The following RAD21L1 variants were observed in gnomAD, a reference collection of about 807,000 sequenced individuals.
RAD21L1 encodes RAD21 cohesin complex component like 1, also known as double-strand-break repair protein rad21-like protein 1.
Under a neutral mutation model 69.0 loss-of-function variants are expected in RAD21L1, and 47 were observed. The observed-to-expected ratio is 0.68, with a 90% CI of 0.54 to 0.87. The LOEUF is 0.87. Among genes scored for constraint, RAD21L1 ranks in the 40% least tolerant of loss-of-function variants. RAD21L1 has a pLI of 0.00. For missense variants in RAD21L1, 583 were observed against 647.6 expected (o/e 0.90, Z 1.08); for synonymous variants, 177 against 205.8 (o/e 0.86, Z 1.20).
chr20:1,251,457 A>T (rs1189554402), intron 13 of RAD21L1, among the ~76,000 whole-genome samples: 2 of 150,952 alleles, frequency 1.3e-5, no homozygotes, highest in African/African-American at 4.9e-5. Flanking sequence ...GAAAATTTTT[A>T]AAAATTTCTT....
At position 1,242,791 on chromosome 20, in the gene RAD21L1, G is replaced by T. The variant is rs1432665880; in HGVS notation, c.1029G>T (p.Val343=). ...TGATGTGGAAGAAGAGGGGAGGAGTGCATACACTTCTGTCAACTGCTGCCC... is the reference window on the plus strand; with the variant it reads ...TGATGTGGAAGAAGAGGGGAGGAGTTCATACACTTCTGTCAACTGCTGCCC... ...RLMMWKKRGG[V]HTLLSTAAQD... is the part of the protein sequence containing the mutation. The change falls in exon 9 of 14, where the codon GTG becomes GTT. Residue 343 remains valine (V), a synonymous_variant. Transcript: ENST00000683101. 11 of 1,551,542 alleles carry T rather than the reference G, an allele frequency of 7.1e-6. No individual in the cohort carries two copies. The highest frequency in any genetic ancestry group is 9.6e-6 in the Non-Finnish European group (11 of 1,146,890).
chr20:1,234,418 C>T (rs900806381), intron 5 of RAD21L1, among the ~76,000 whole-genome samples: 2 of 152,150 alleles, frequency 1.3e-5, no homozygotes, highest in African/African-American at 2.4e-5. Context: ...AATACCTACT[C>T]TGTATCAGGT....
rs187764229 is a variant in RAD21L1, at chr20:1,235,436, G to A, written c.475+1245G>A. 3.1e-3 allele frequency among the ~76,000 whole-genome samples: 478 copies of A among 151,856 alleles called. 1 individual carries two copies. Among genetic ancestry groups the A allele is most frequent in the Non-Finnish European group, 5.2e-3 (350 of 67,930 alleles). ...TTTTCAATCTGTATTGTATTTTACT[G>A]TGTAAAATACAATAAAATGAATTAT... is the stretch of plus-strand genomic sequence containing the variant. On this transcript the variant is annotated intron_variant, in intron 5 of 13. Coordinates refer to ENST00000683101, the MANE Select transcript of RAD21L1 (RefSeq NM_001384355.1).
chr20:1,248,827 T>C, intron 13 of RAD21L1, 124 bp downstream of exon 13: 1 of 530,974 alleles, frequency 1.9e-6, no homozygotes, highest in Admixed American at 3.7e-5. Context: ...CAAATCCCAC[T>C]AGAGTGCAAT....
chr20:1,251,206 G>A (rs911014314), intron 13 of RAD21L1, among the ~76,000 whole-genome samples: 1 of 152,134 alleles, frequency 6.6e-6, no homozygotes, highest in Admixed American at 6.5e-5. Context: ...AGATGTTGAA[G>A]GCTTTGTAAC....
At chr20:1,232,866 A>G (rs2087419929) in intron 4 of RAD21L1, among the ~76,000 whole-genome samples, 1 of 152,310 alleles carries the variant, frequency 6.6e-6, no homozygotes, top group Admixed American at 6.5e-5. Flanking sequence ...TGATTAGGTC[A>G]TAAGAGAGGT....
Position 1,255,726 on chromosome 20 carries a change from G to A in RAD21L1, c.*1269G>A, listed in dbSNP as rs2087921849. On this transcript the variant is annotated 3_prime_UTR_variant, in exon 14 of 14. Coordinates refer to ENST00000683101, the MANE Select transcript of RAD21L1 (RefSeq NM_001384355.1). Reference sequence around the variant, plus strand: ...CCCTAAAAAATTCTGTTATCCCTTTGTAGTAACCCCCTTCCCCCATATAAC... The same window carrying A: ...CCCTAAAAAATTCTGTTATCCCTTTATAGTAACCCCCTTCCCCCATATAAC... Among the ~76,000 whole-genome samples, 1 of 152,062 alleles carries A rather than the reference G, an allele frequency of 6.6e-6. No individual in the cohort carries two copies. The highest frequency in any genetic ancestry group is 1.5e-5 in the Non-Finnish European group (1 of 67,994).
chr20:1,243,805 T>C (rs933867110), intron 10 of RAD21L1, among the ~76,000 whole-genome samples: 2 of 152,138 alleles, frequency 1.3e-5, no homozygotes, highest in Admixed American at 6.5e-5. Context: ...AGTGAATGTG[T>C]GAGAGCGTGT....
At chr20:1,250,417 C>G (rs2087805341) in intron 13 of RAD21L1, among the ~76,000 whole-genome samples, 1 of 151,924 alleles carries the variant, frequency 6.6e-6, no homozygotes, top group South Asian at 2.1e-4. Context: ...TCCAAGTGTT[C>G]TCATTTTTCA....
chr20:1,232,885 CATAAG>C (rs1367339092), intron 4 of RAD21L1, among the ~76,000 whole-genome samples: 1 of 152,078 alleles, frequency 6.6e-6, no homozygotes, highest in African/African-American at 2.4e-5. Flanking sequence ...GTGATTAAGT[CATAAG>C]AGAAGTGATT....
intron 3 of RAD21L1, among the ~76,000 whole-genome samples, 186 bp from the exon 4 acceptor site, chr20:1,231,340 C>A (rs949098267): frequency 6.6e-6 from 1 of 152,136 alleles, no homozygotes. Flanking sequence ...GGCATCTAAT[C>A]TGATTAGTTT....
At chr20:1,237,809 A>G (rs997006372) in intron 5 of RAD21L1, among the ~76,000 whole-genome samples, 1 of 152,174 alleles carries the variant, frequency 6.6e-6, no homozygotes, top group Non-Finnish European at 1.5e-5. Context: ...TATAAACTCT[A>G]TGTAATATGT....
chr20:1,239,944 T>A (rs2087572824), intron 7 of RAD21L1, among the ~76,000 whole-genome samples: 1 of 152,168 alleles, frequency 6.6e-6, no homozygotes, highest in Non-Finnish European at 1.5e-5. Context: ...TTACTTATGG[T>A]TTTTTATGGA....
chr20:1,238,550 C>G (rs987204626), intron 6 of RAD21L1, among the ~76,000 whole-genome samples: 4 of 151,778 alleles, frequency 2.6e-5, no homozygotes, highest in Non-Finnish European at 4.4e-5. Context: ...ACATTGTTTT[C>G]TTTAACATAC....
At chr20:1,247,342 G>C (rs567222105) in intron 12 of RAD21L1, among the ~76,000 whole-genome samples, 1 of 152,254 alleles carries the variant, frequency 6.6e-6, no homozygotes, top group Non-Finnish European at 1.5e-5. Context: ...TAGTTTAGTT[G>C]TGCATTATAG....
intron 13 of RAD21L1, among the ~76,000 whole-genome samples, chr20:1,253,836 T>C (rs1467792997): frequency 6.6e-6 from 1 of 152,208 alleles, no homozygotes; most frequent in Non-Finnish European, 1.5e-5. Flanking sequence ...GAGTTGTTTA[T>C]AGTCAACACC....
At chr20:1,243,811 C>T (rs986723042) in intron 10 of RAD21L1, among the ~76,000 whole-genome samples, 9 of 151,888 alleles carry the variant, frequency 5.9e-5, no homozygotes, top group South Asian at 2.1e-4. Context: ...TGTGTGAGAG[C>T]GTGTGTAGAG....
At chr20:1,232,482 C>T (rs766779647) in intron 4 of RAD21L1, among the ~76,000 whole-genome samples, 1 of 152,204 alleles carries the variant, frequency 6.6e-6, no homozygotes, top group Non-Finnish European at 1.5e-5. Flanking sequence ...GATCAGTTCT[C>T]AGTCATCATC....
intron 13 of RAD21L1, 110 bp from the exon 14 acceptor site, chr20:1,254,159 T>A: frequency 1.5e-6 from 1 of 676,818 alleles, no homozygotes; most frequent in Non-Finnish European, 2.3e-6. Context: ...GATTTTATAG[T>A]CATTTATCCA....
Sources: allele counts gnomAD v4.1 joint callset (sites outside exome capture counted in the v4.1 genomes callset), GRCh38; gene constraint gnomAD v4.1.1; transcripts MANE v1.5; gene names NCBI Gene and HGNC (gene_info 2026-07-23, HGNC 2026-07-21).